CTNNA1: variants seen among roughly 807,000 people sequenced by gnomAD.
The protein encoded by CTNNA1 is catenin alpha-1.
A neutral mutation model predicts 98.4 loss-of-function variants in CTNNA1; 37 were observed. The observed-to-expected ratio is 0.38, with a 90% CI of 0.29 to 0.49. The LOEUF (loss-of-function observed/expected upper bound fraction) is 0.49, where lower values mean the gene tolerates loss of function less well. Among genes scored for constraint, CTNNA1 ranks in the 20% least tolerant of loss-of-function variants. The pLI is 0.95. For missense variants in CTNNA1, 761 were observed against 1,147.2 expected (o/e 0.66, Z 4.86); for synonymous variants, 404 against 413.2 (o/e 0.98, Z 0.27).
At chr5:138,907,530 A>G (rs1759533731) in intron 10 of CTNNA1, among the ~76,000 whole-genome samples, 1 of 152,152 alleles carries the variant, frequency 6.6e-6, no homozygotes, top group African/African-American at 2.4e-5. Context: ...CCTCGGAGGA[A>G]GAGGGCCTTG....
At chr5:138,906,317 A>G (rs1355789331) in intron 10 of CTNNA1, among the ~76,000 whole-genome samples, 1 of 152,194 alleles carries the variant, frequency 6.6e-6, no homozygotes, top group Non-Finnish European at 1.5e-5. Context: ...CAATCACCAC[A>G]TCCAGAAGGA....
chr5:138,853,216 G>A (rs1763404048), intron 7 of CTNNA1, among the ~76,000 whole-genome samples: 1 of 151,856 alleles, frequency 6.6e-6, no homozygotes, highest in South Asian at 2.1e-4. Flanking sequence ...CAAAGTGCTT[G>A]GGATTATAGG....
At chr5:138,899,985 T>C (rs1003383699) in intron 9 of CTNNA1, among the ~76,000 whole-genome samples, 8 of 152,154 alleles carry the variant, frequency 5.3e-5, no homozygotes, top group African/African-American at 1.9e-4. Context: ...AGATATCTTA[T>C]TTCTCCTAAT....
intron 10 of CTNNA1, among the ~76,000 whole-genome samples, chr5:138,916,705 A>G (rs1013825772): frequency 1.3e-5 from 2 of 151,764 alleles, no homozygotes; most frequent in African/African-American, 4.8e-5. Context: ...TTTATTGTTT[A>G]TAGAGATGGG....
chr5:138,824,918 T>C, intron 6 of CTNNA1, 119 bp downstream of exon 6: 2 of 907,610 alleles, frequency 2.2e-6, no homozygotes, highest in Non-Finnish European at 3.4e-6. Flanking sequence ...AGATCTTTAA[T>C]CTAAGTCAAA....
At chr5:138,856,830 C>A (rs1763772104) in intron 7 of CTNNA1, among the ~76,000 whole-genome samples, 1 of 152,234 alleles carries the variant, frequency 6.6e-6, no homozygotes, top group South Asian at 2.1e-4. Flanking sequence ...GAGATGAAAT[C>A]CTTATTGAGA....
chr5:138,827,694 C>G lies in CTNNA1; in HGVS notation c.1038C>G (p.Asp346Glu). Reference sequence around the variant, plus strand: ...ATGCTGTCCGCCAGGCCCTGCAGGACCTGCTTTCGGAGTACATGGGCAATG... The same window carrying G: ...ATGCTGTCCGCCAGGCCCTGCAGGAGCTGCTTTCGGAGTACATGGGCAATG... ...ECNAVRQALQ[D>E]LLSEYMGNAG... is the part of the protein sequence containing the mutation. Residue 346 changes from aspartate (D) to glutamate (E), a missense_variant, in exon 7 of 18, where the codon GAC becomes GAG. By Grantham distance (45) the Asp-to-Glu change is conservative. Coordinates refer to ENST00000302763, the MANE Select transcript of CTNNA1 (RefSeq NM_001903.5). 1 of 1,614,196 alleles carries G rather than the reference C, an allele frequency of 6.2e-7. No homozygotes were observed. Among genetic ancestry groups the G allele is most frequent in the African/African-American group, 1.3e-5 (1 of 75,058 alleles).
chr5:138,887,546 A>C lies in CTNNA1; in HGVS notation c.1200A>C (p.Pro400=). 1 of 1,611,830 alleles carries C rather than the reference A, an allele frequency of 6.2e-7. No homozygotes were observed. ...ATTCTTTCCTGGAAACCAATGTTCC[A>C]CTTTTGGTATTGATTGAAGCTGCAA... is the stretch of plus-strand genomic sequence containing the variant. ...VSDSFLETNV[P]LLVLIEAAKN... Residue 400 remains proline, a synonymous_variant, in exon 9 of 18, where the codon CCA becomes CCC. Transcript: ENST00000302763.
intron 16 of CTNNA1, chr5:138,931,887 TAA>T: frequency 1.0e-6 from 1 of 985,546 alleles, no homozygotes; most frequent in Non-Finnish European, 1.2e-6. Flanking sequence ...TTGCTTGCTA[TAA>T]ACACTTGAGA....
intron 13 of CTNNA1, among the ~76,000 whole-genome samples, chr5:138,929,040 G>A (rs1356869154): frequency 6.6e-6 from 1 of 152,198 alleles, no homozygotes; most frequent in African/African-American, 2.4e-5. Flanking sequence ...CCTGCTGTGG[G>A]CCAGGCAGCC....
At chr5:138,914,325 A>G (rs1195368509) in intron 10 of CTNNA1, among the ~76,000 whole-genome samples, 1 of 152,224 alleles carries the variant, frequency 6.6e-6, no homozygotes, top group Non-Finnish European at 1.5e-5. Flanking sequence ...TTATTGAATT[A>G]ATGAGTTAAT....
intron 7 of CTNNA1, among the ~76,000 whole-genome samples, chr5:138,884,184 G>A (rs1267943694): frequency 6.6e-6 from 1 of 152,326 alleles, no homozygotes; most frequent in Non-Finnish European, 1.5e-5. Flanking sequence ...GAAAGGGTTG[G>A]TGGGGGGCTT....
At chr5:138,902,641 G>T (rs558648083) in intron 9 of CTNNA1, among the ~76,000 whole-genome samples, 2 of 152,140 alleles carry the variant, frequency 1.3e-5, no homozygotes, top group Admixed American at 6.5e-5. Flanking sequence ...GGATGGTCTC[G>T]ATCTCCTGAC....
intron 3 of CTNNA1, among the ~76,000 whole-genome samples, chr5:138,794,191 A>G (rs1317640679): frequency 2.6e-5 from 4 of 151,722 alleles, no homozygotes; most frequent in Non-Finnish European, 5.9e-5. Context: ...CTAATTTTGT[A>G]TTTTTAGTAG....
rs770187550 is a variant in CTNNA1, at chr5:138,808,603, C to T, written c.302-1435C>T. The stretch of plus-strand genomic sequence containing the variant: ...ATATGCATGTGAGGCAATTTTTCCC[C>T]CCTCTTCTGCTTGTGTTGTGCATCC... On this transcript the variant is annotated intron_variant, in intron 3 of 17. Coordinates refer to ENST00000302763, the MANE Select transcript of CTNNA1 (RefSeq NM_001903.5). 5.2e-4 allele frequency among the ~76,000 whole-genome samples: 78 copies of T among 151,276 alleles called. 1 individual carries two copies. Among genetic ancestry groups the T allele is most frequent in the Middle Eastern group, 3.4e-3 (1 of 294 alleles).
intron 7 of CTNNA1, among the ~76,000 whole-genome samples, chr5:138,842,644 G>C (rs1023877394): frequency 6.6e-6 from 1 of 152,184 alleles, no homozygotes; most frequent in African/African-American, 2.4e-5. Flanking sequence ...TGGAAAATCA[G>C]ACCTTGATGA....
intron 9 of CTNNA1, 97 bp downstream of exon 9, chr5:138,887,739 C>A: frequency 1.0e-6 from 1 of 957,342 alleles, no homozygotes; most frequent in Non-Finnish European, 1.6e-6. Context: ...TGTAAGGGCT[C>A]GCTTAACATA....
chr5:138,788,099 C>T (rs779953875), intron 3 of CTNNA1, among the ~76,000 whole-genome samples: 1 of 152,096 alleles, frequency 6.6e-6, no homozygotes, highest in East Asian at 1.9e-4. Context: ...GTTTACCTCC[C>T]GTATCCCCCC....
intron 6 of CTNNA1, among the ~76,000 whole-genome samples, chr5:138,825,562 T>G (rs1018102337): frequency 9.6e-5 from 13 of 135,020 alleles, no homozygotes; most frequent in Non-Finnish European, 1.7e-4. Context: ...AAAACAGAAA[T>G]TGTGTTCCAG....
Sources: allele counts gnomAD v4.1 joint callset (sites outside exome capture counted in the v4.1 genomes callset), GRCh38; gene constraint gnomAD v4.1.1; transcripts MANE v1.5; gene names NCBI Gene and HGNC (gene_info 2026-07-23, HGNC 2026-07-21).